The following HEATR4 variants were observed in gnomAD, a reference collection of about 807,000 sequenced individuals.
HEATR4 encodes the protein HEAT repeat containing 4.
A neutral mutation model predicts 108.8 loss-of-function variants in HEATR4; 95 were observed. The ratio of observed to expected loss-of-function variants is 0.87; its 90% CI spans 0.74 to 1.04. The LOEUF is 1.04. HEATR4 is among the 50% of genes least tolerant of loss of function. The pLI is 0.00. For synonymous variants in HEATR4, 443 were observed against 459.4 expected, an observed-to-expected ratio of 0.96 and a Z score of 0.46; for missense variants, 1,152 against 1,253.8, an observed-to-expected ratio of 0.92 and a Z score of 1.23.
upstream of HEATR4, among the ~76,000 whole-genome samples, chr14:73,562,524 A>T (rs1415351261): frequency 2.0e-5 from 3 of 152,020 alleles, no homozygotes; most frequent in Non-Finnish European, 2.9e-5. Flanking sequence ...CAGCCTGCGG[A>T]GTCGGGCCAA....
At chr14:73,529,714 G>A (rs903589830) in intron 2 of HEATR4, among the ~76,000 whole-genome samples, 8 of 152,182 alleles carry the variant, frequency 5.3e-5, no homozygotes, top group Admixed American at 5.2e-4. Context: ...CTGTACAAGT[G>A]GTCAAAGTAG....
chr14:73,611,920 C>G, the HEATR4 span, among the ~76,000 whole-genome samples: 9 of 152,072 alleles, frequency 5.9e-5, no homozygotes, highest in African/African-American at 2.2e-4. Flanking sequence ...AGTACAATCA[C>G]CTGGGATGCT....
rs908762052 is a variant in HEATR4, at chr14:73,555,047, T to TA, written c.-152+3703dup. 4.6e-5 allele frequency among the ~76,000 whole-genome samples: 5 copies of TA among 109,584 alleles called. 1 individual carries two copies. Among genetic ancestry groups the TA allele is most frequent in the Admixed American group, 1.1e-4 (1 of 9,522 alleles). 71.9% of individuals were successfully genotyped at this position (109,584 alleles called of 152,430 possible). A position where few individuals can be genotyped will look rare whatever the true frequency, so the allele number is the denominator to read the frequency against. On this transcript the variant is annotated intron_variant, in intron 1 of 17. Transcript: ENST00000553558. ...AAACTTGAAATAAAAATGATTAAAC[T>TA]AAAAAAAAAGAATGTAGAGGGAGAG...
the HEATR4 span, among the ~76,000 whole-genome samples, chr14:73,626,461 T>C: frequency 0.044 from 6,628 of 152,208 alleles, 180 homozygotes; most frequent in Middle Eastern, 0.075. Flanking sequence ...GTTAGGAAGC[T>C]GCAGTAGAAA....
Position 73,556,214 on chromosome 14 carries a change from A to C in HEATR4, c.-152+2537T>G, listed in dbSNP as rs186358619. Among the ~76,000 whole-genome samples, 30 of 113,260 alleles carry C rather than the reference A, an allele frequency of 2.6e-4. 9 individuals carry two copies. The Admixed American group carries it at 3.0e-3, about 11-fold the overall frequency. 74.3% of individuals were successfully genotyped at this position (113,260 alleles called of 152,430 possible). Reference sequence around the variant, plus strand: ...TGAGGCAGGCAGATCACCAGAGGTCAGCAGTTCAAGAGCAGCATGGCCAAC... The same window carrying C: ...TGAGGCAGGCAGATCACCAGAGGTCCGCAGTTCAAGAGCAGCATGGCCAAC... On this transcript the variant is annotated intron_variant, in intron 1 of 17. Coordinates refer to ENST00000553558, the MANE Select transcript of HEATR4 (RefSeq NM_001220484.1).
chr14:73,558,392 G>T (rs1165029710), intron 1 of HEATR4, among the ~76,000 whole-genome samples: 1 of 135,120 alleles, frequency 7.4e-6, no homozygotes, highest in African/African-American at 2.7e-5. Flanking sequence ...TTGAGACAGG[G>T]TCTCACTCTC....
At chr14:73,506,284 T>C (rs1042006473) in intron 10 of HEATR4, among the ~76,000 whole-genome samples, 183 bp downstream of exon 10, 2 of 152,184 alleles carry the variant, frequency 1.3e-5, no homozygotes, top group Non-Finnish European at 1.5e-5. Context: ...CTGAGAAGCA[T>C]TGGCTTCCAG....
In HEATR4 at chr14:73,490,982, G is replaced by T. The variant is rs774233979; in HGVS notation, c.2844+2084C>A. 5 of 1,324,020 alleles carry T rather than the reference G, an allele frequency of 3.8e-6. No homozygotes were observed. In the African/African-American group the frequency reaches 6.1e-5, roughly 16 times the overall value. 82.0% of individuals were successfully genotyped at this position (1,324,020 alleles called of 1,614,324 possible). ...CAGGAACCGCTTTAGCTTCGCCCCC[G>T]GCCGGCCGGGCGGGGAAGACTGGTG... On this transcript the variant is annotated intron_variant, in intron 17 of 17. Coordinates refer to ENST00000553558, the MANE Select transcript of HEATR4 (RefSeq NM_001220484.1).
chr14:73,500,778 C>A, intron 11 of HEATR4, 48 bp from the exon 12 acceptor site: 2 of 1,569,066 alleles, frequency 1.3e-6, no homozygotes, highest in Non-Finnish European at 1.7e-6. Context: ...ACTTTCAGTA[C>A]CTAACCCCCA....
At chr14:73,569,195 A>C in the HEATR4 span, 1 of 1,598,364 alleles carries the variant, frequency 6.3e-7, no homozygotes, top group South Asian at 1.1e-5. Context: ...GTTAGCAGAC[A>C]GCTCTGCCCT....
At chr14:73,484,282 T>C (rs2140241462) in intron 17 of HEATR4, among the ~76,000 whole-genome samples, 2 of 152,160 alleles carry the variant, frequency 1.3e-5, no homozygotes, top group Non-Finnish European at 1.5e-5. Flanking sequence ...TTACGACGTA[T>C]AGCAAGACTC....
chr14:73,541,919 G>A (rs59202282), intron 1 of HEATR4, among the ~76,000 whole-genome samples: 5,200 of 112,226 alleles, frequency 0.046, 1,436 homozygotes, highest in East Asian at 0.24. Flanking sequence ...CCAGTGGTGC[G>A]ATCTTGGCTC....
Position 73,523,214 on chromosome 14 carries a change from A to G in HEATR4, c.-62T>C, listed in dbSNP as rs1312959714. Reference sequence around the variant, plus strand: ...GGCCTAGAGGAAAGGCCTGGAGATGAGACCTGGCACCTGTTAAGGGAATGG... The same window carrying G: ...GGCCTAGAGGAAAGGCCTGGAGATGGGACCTGGCACCTGTTAAGGGAATGG... On this transcript the variant is annotated 5_prime_UTR_variant, in exon 3 of 18. Coordinates refer to ENST00000553558, the MANE Select transcript of HEATR4 (RefSeq NM_001220484.1). The G allele has an allele frequency of 6.8e-7, 1 of 1,466,030 alleles. No individual in the cohort carries two copies. Among genetic ancestry groups the G allele is most frequent in the African/African-American group, 1.4e-5 (1 of 71,406 alleles). The allele number at this position is 1,466,030 out of a possible 1,614,324, so 90.8% of individuals were successfully genotyped here. A position where few individuals can be genotyped will look rare whatever the true frequency, so the allele number is the denominator to read the frequency against.
intron 16 of HEATR4, 57 bp from the exon 17 acceptor site, chr14:73,493,181 A>T: frequency 7.0e-7 from 1 of 1,419,840 alleles, no homozygotes; most frequent in South Asian, 1.2e-5. Flanking sequence ...TTGATCCGTG[A>T]TCATTTCAGA....
chr14:73,593,289 C>G, the HEATR4 span, among the ~76,000 whole-genome samples: 1 of 151,668 alleles, frequency 6.6e-6, no homozygotes, highest in Admixed American at 6.6e-5. Flanking sequence ...AGGGCTGATG[C>G]AACAGAACAT....
chr14:73,495,335 T>G lies in HEATR4; in HGVS notation c.2678A>C (p.Glu893Ala), dbSNP rs1886053124. The change falls in exon 16 of 18, where the codon GAG becomes GCG. Residue 893 changes from glutamate (E) to alanine (A), a missense_variant. Coordinates refer to ENST00000553558, the MANE Select transcript of HEATR4 (RefSeq NM_001220484.1). ...CTCCCTCACTTTTCCCATGACCATC[T>G]CCAGCTTGAGTATTTTGTGTGTCAG... ...DLLTHKILKL[E>A]MVMGKVREEA... 2 of 1,613,876 alleles carry G rather than the reference T, an allele frequency of 1.2e-6. No homozygotes were observed. The highest frequency in any genetic ancestry group is 3.3e-5 in the Admixed American group (2 of 59,986).
At chr14:73,612,393 G>C in the HEATR4 span, 2 of 431,274 alleles carry the variant, frequency 4.6e-6, no homozygotes, top group Admixed American at 4.4e-5. Flanking sequence ...TTGGGACACT[G>C]GTGTATTTGC....
rs1339949251 is a variant in HEATR4, at chr14:73,519,143, G to T, written c.1090C>A (p.Gln364Lys). 2 of 1,612,728 alleles carry T rather than the reference G, an allele frequency of 1.2e-6. No homozygotes were observed. The highest frequency in any genetic ancestry group is 2.7e-5 in the African/African-American group (2 of 74,850). The change falls in exon 5 of 18, where the codon CAG becomes AAG. Residue 364 changes from glutamine (Q) to lysine (K), a missense_variant. Gln to Lys is a moderately conservative substitution (Grantham distance 53). Coordinates refer to ENST00000553558, the MANE Select transcript of HEATR4 (RefSeq NM_001220484.1). ...IYFDEVQIIH[Q>K]IGAKRDQIVL... The stretch of plus-strand genomic sequence containing the variant: ...ATCTGGTCTCTCTTTGCACCAATCT[G>T]GTGGATGATCTGGACTTCATCTGTG...
At chr14:73,502,555 CTT>C (rs915918420) in intron 11 of HEATR4, among the ~76,000 whole-genome samples, 1 of 146,580 alleles carries the variant, frequency 6.8e-6, no homozygotes. Flanking sequence ...CTCCTAAGCA[CTT>C]TTTTTTTTTG....
Sources: gnomAD v4.1 joint callset for allele counts (sites outside exome capture counted in the v4.1 genomes callset) on GRCh38, gnomAD v4.1.1 for gene constraint, MANE v1.5 for transcripts, NCBI Gene and HGNC (gene_info 2026-07-23, HGNC 2026-07-21) for gene names.